GABRB2: variants seen among roughly 807,000 people sequenced by gnomAD.
GABRB2 encodes gamma-aminobutyric acid receptor subunit beta-2.
A neutral mutation model predicts 54.7 loss-of-function variants in GABRB2; 16 were observed. The observed-to-expected ratio is 0.29, with a 90% CI of 0.20 to 0.44. The LOEUF is 0.44. GABRB2 is among the 20% of genes least tolerant of loss of function. The pLI, the probability that GABRB2 is intolerant of heterozygous loss-of-function variation, is 1.00. For missense variants in GABRB2, 355 were observed against 644.0 expected (o/e 0.55, Z 4.86); for synonymous variants, 244 against 233.8 (o/e 1.04, Z -0.40).
chr5:161,403,044 G>A (rs548006119), intron 5 of GABRB2, among the ~76,000 whole-genome samples: 2 of 152,248 alleles, frequency 1.3e-5, no homozygotes, highest in South Asian at 2.1e-4. Context: ...CAAGTTCAAC[G>A]TGAGAGTGTG....
intron 5 of GABRB2, among the ~76,000 whole-genome samples, chr5:161,379,270 A>T (rs961155208): frequency 6.6e-6 from 1 of 152,142 alleles, no homozygotes; most frequent in Non-Finnish European, 1.5e-5. Context: ...AGCAAAAGCA[A>T]CAACAAATTG....
At chr5:161,324,355 A>G (rs1253038148) in intron 9 of GABRB2, among the ~76,000 whole-genome samples, 2 of 152,190 alleles carry the variant, frequency 1.3e-5, no homozygotes, top group South Asian at 4.1e-4. Context: ...ATAGAACTAA[A>G]TAAAATCTGA....
intron 4 of GABRB2, among the ~76,000 whole-genome samples, chr5:161,457,240 C>G (rs1757982621): frequency 6.6e-6 from 1 of 152,078 alleles, no homozygotes; most frequent in African/African-American, 2.4e-5. Context: ...GTTCAGGAAC[C>G]TGCATATTTT....
chr5:161,347,181 C>T (rs566946124), intron 5 of GABRB2, among the ~76,000 whole-genome samples: 2 of 152,136 alleles, frequency 1.3e-5, no homozygotes, highest in South Asian at 4.1e-4. Context: ...ACATGCATTG[C>T]CTCATCTAAT....
chr5:161,341,355 C>T (rs183448688), intron 5 of GABRB2, among the ~76,000 whole-genome samples: 3 of 151,832 alleles, frequency 2.0e-5, no homozygotes, highest in Admixed American at 6.6e-5. Context: ...TGAAGCACTT[C>T]GTTAATGTAC....
chr5:161,297,863 C>T (rs1013522604), intron 9 of GABRB2, among the ~76,000 whole-genome samples: 4 of 152,202 alleles, frequency 2.6e-5, no homozygotes, highest in African/African-American at 9.7e-5. Flanking sequence ...GCCACACTGT[C>T]TTCCACAATG....
chr5:161,360,868 A>G (rs1194006662), intron 5 of GABRB2, among the ~76,000 whole-genome samples: 5 of 151,878 alleles, frequency 3.3e-5, no homozygotes, highest in Non-Finnish European at 7.4e-5. Flanking sequence ...ACAAAACACT[A>G]TGGGAAATGG....
chr5:161,369,178 G>A (rs1395478471), intron 5 of GABRB2, among the ~76,000 whole-genome samples: 1 of 152,084 alleles, frequency 6.6e-6, no homozygotes, highest in Non-Finnish European at 1.5e-5. Flanking sequence ...AAAGTTCCCG[G>A]TTTCTCTCAT....
chr5:161,427,170 T>C (rs1450689001), intron 4 of GABRB2, among the ~76,000 whole-genome samples: 3 of 152,218 alleles, frequency 2.0e-5, no homozygotes, highest in East Asian at 1.9e-4. Flanking sequence ...GTTTGACTAA[T>C]AGCTGAATGA....
At chr5:161,405,270 G>C (rs779541954) in intron 5 of GABRB2, among the ~76,000 whole-genome samples, 4 of 151,896 alleles carry the variant, frequency 2.6e-5, no homozygotes, top group Non-Finnish European at 5.9e-5. Context: ...TTCATATTTT[G>C]GTTGTTCTGA....
intron 4 of GABRB2, among the ~76,000 whole-genome samples, chr5:161,439,663 G>A (rs960730696): frequency 3.3e-5 from 5 of 151,612 alleles, no homozygotes; most frequent in African/African-American, 9.7e-5. Flanking sequence ...GTAGGGGGAC[G>A]AAGCTAAAGA....
intron 3 of GABRB2, among the ~76,000 whole-genome samples, chr5:161,493,110 C>G (rs1156759421): frequency 6.6e-6 from 1 of 151,676 alleles, no homozygotes; most frequent in Non-Finnish European, 1.5e-5. Context: ...TTGATACATA[C>G]TATTAAATGG....
chr5:161,537,094 T>C (rs1760660793), intron 3 of GABRB2, among the ~76,000 whole-genome samples: 1 of 152,168 alleles, frequency 6.6e-6, no homozygotes, highest in Non-Finnish European at 1.5e-5. Flanking sequence ...ACTATTTGCT[T>C]CTCAAACTCA....
intron 3 of GABRB2, among the ~76,000 whole-genome samples, chr5:161,472,676 GGCAGAGGGTGTA>G (rs1758478297): frequency 6.6e-6 from 1 of 151,828 alleles, no homozygotes; most frequent in African/African-American, 2.4e-5. Context: ...CCCTAGTTTT[GGCAGAGGGTGTA>G]CTTTAGCACT....
chr5:161,364,786 G>T (rs939380110), intron 5 of GABRB2, among the ~76,000 whole-genome samples: 2 of 151,870 alleles, frequency 1.3e-5, no homozygotes, highest in African/African-American at 4.8e-5. Context: ...CCATAAGCCA[G>T]GTTTCTTACA....
At chr5:161,493,152 AAAT>A (rs1468533621) in intron 3 of GABRB2, among the ~76,000 whole-genome samples, 2 of 151,798 alleles carry the variant, frequency 1.3e-5, no homozygotes, top group African/African-American at 4.8e-5. Context: ...TTTAGAATAC[AAAT>A]AATATTTGAA....
At chr5:161,345,249 A>C (rs1754286588) in intron 5 of GABRB2, among the ~76,000 whole-genome samples, 1 of 152,098 alleles carries the variant, frequency 6.6e-6, no homozygotes, top group Non-Finnish European at 1.5e-5. Flanking sequence ...TTTGTATCTT[A>C]TAGCGCAATA....
intron 5 of GABRB2, among the ~76,000 whole-genome samples, chr5:161,368,881 C>T (rs568535849): frequency 6.6e-6 from 1 of 152,266 alleles, no homozygotes; most frequent in East Asian, 1.9e-4. Flanking sequence ...TGACAGACTG[C>T]TGGTTACTCA....
At chr5:161,332,881 C>A (rs1295118783) in intron 7 of GABRB2, among the ~76,000 whole-genome samples, 1 of 152,016 alleles carries the variant, frequency 6.6e-6, no homozygotes, top group Non-Finnish European at 1.5e-5. Context: ...TGATTCTGAG[C>A]ACGCCCATAA....
Sources: gnomAD v4.1 joint callset for allele counts (sites outside exome capture counted in the v4.1 genomes callset) on GRCh38, gnomAD v4.1.1 for gene constraint, MANE v1.5 for transcripts, NCBI Gene and HGNC (gene_info 2026-07-23, HGNC 2026-07-21) for gene names.